ZNF622: variants seen among roughly 807,000 people sequenced by gnomAD.
ZNF622 encodes the protein cytoplasmic 60S subunit biogenesis factor ZNF622.
ZNF622 carries 34 observed loss-of-function variants against 49.7 expected under a neutral mutation model. That is an observed-to-expected ratio of 0.68 (90% CI 0.52 to 0.91). The LOEUF (loss-of-function observed/expected upper bound fraction) is 0.91, where lower values mean the gene tolerates loss of function less well. Among genes scored for constraint, ZNF622 ranks in the 40% least tolerant of loss-of-function variants. The pLI, the probability that ZNF622 is intolerant of heterozygous loss-of-function variation, is 0.00. For missense variants in ZNF622, 569 were observed against 616.4 expected, an observed-to-expected ratio of 0.92 and a Z score of 0.81; for synonymous variants, 209 against 228.7, an observed-to-expected ratio of 0.91 and a Z score of 0.78.
At chr5:16,457,201 T>C (rs781284219) in intron 4 of ZNF622, among the ~76,000 whole-genome samples, 28 of 152,218 alleles carry the variant, frequency 1.8e-4, no homozygotes, top group Non-Finnish European at 3.2e-4. Flanking sequence ...AGATGCAAAA[T>C]GAAGCAAACA....
chr5:16,462,113 C>A (rs141780009), intron 3 of ZNF622, among the ~76,000 whole-genome samples: 5 of 152,228 alleles, frequency 3.3e-5, no homozygotes, highest in African/African-American at 1.2e-4. Flanking sequence ...CTCTAATCCT[C>A]CCCTCTACCT....
chr5:16,461,723 T>G (rs891266890), intron 3 of ZNF622, among the ~76,000 whole-genome samples: 2 of 152,174 alleles, frequency 1.3e-5, no homozygotes, highest in Non-Finnish European at 2.9e-5. Context: ...TTTGGACAGG[T>G]TAAGTTAATG....
intron 4 of ZNF622, among the ~76,000 whole-genome samples, chr5:16,453,828 G>A (rs964209843): frequency 6.6e-6 from 1 of 151,928 alleles, no homozygotes; most frequent in African/African-American, 2.4e-5. Context: ...GGCCAGAGAT[G>A]CTATTAAACA....
intron 3 of ZNF622, among the ~76,000 whole-genome samples, chr5:16,460,780 C>G (rs1738109035): frequency 6.6e-6 from 1 of 152,068 alleles, no homozygotes. Context: ...TTTCTCATTT[C>G]TAGGCACCAA....
chr5:16,451,879 G>C, intron 5 of ZNF622, 95 bp from the exon 6 acceptor site: 1 of 1,453,622 alleles, frequency 6.9e-7, no homozygotes, highest in South Asian at 1.3e-5. Context: ...AGGTTAGTTT[G>C]GGGTAACTAG....
chr5:16,455,230 A>G (rs981549961), intron 4 of ZNF622, among the ~76,000 whole-genome samples: 2 of 152,240 alleles, frequency 1.3e-5, no homozygotes, highest in Non-Finnish European at 2.9e-5. Context: ...TTTCTTTCAG[A>G]ATCTTTTGTG....
In ZNF622 at chr5:16,453,090, A is replaced by C. The variant is rs541568452; in HGVS notation, c.1229T>G (p.Val410Gly). The C allele has an allele frequency of 1.3e-6, 2 of 1,587,386 alleles. No homozygotes were observed. Among genetic ancestry groups the C allele is most frequent in the South Asian group, 2.3e-5 (2 of 88,168 alleles). Residue 410 changes from valine (V) to glycine (G), a missense_variant, in exon 5 of 6, where the codon GTG becomes GGG. Coordinates refer to ENST00000308683, the MANE Select transcript of ZNF622 (RefSeq NM_033414.3). ...YKQRFGLSRA[V>G]AVAKNRKAVG... Reference sequence around the variant, plus strand: ...GGCCTTCCGATTTTTGGCAACTGCCACAGCTCTTGACAAGCCAAATCGCTG... The same window carrying C: ...GGCCTTCCGATTTTTGGCAACTGCCCCAGCTCTTGACAAGCCAAATCGCTG...
At position 16,456,764 on chromosome 5, in the gene ZNF622, G is replaced by A. The variant is rs573665240; in HGVS notation, c.1162+1753C>T. Among the ~76,000 whole-genome samples, 7 of 152,210 alleles carry A rather than the reference G, an allele frequency of 4.6e-5. No individual in the cohort carries two copies. In the South Asian group the frequency reaches 1.5e-3, roughly 32 times the overall value. On this transcript the variant is annotated intron_variant, in intron 4 of 5. Transcript: ENST00000308683. ...TGGCTCCCAGTGGAGGAACTACAGAGGGTAAAGAAAATCTACTGGTGTTTT... is the reference window on the plus strand; with the variant it reads ...TGGCTCCCAGTGGAGGAACTACAGAAGGTAAAGAAAATCTACTGGTGTTTT...
intron 4 of ZNF622, among the ~76,000 whole-genome samples, chr5:16,456,041 C>A (rs1032867045): frequency 5.9e-5 from 9 of 152,216 alleles, no homozygotes; most frequent in African/African-American, 1.7e-4. Flanking sequence ...AGCATGCGAC[C>A]TGTCCATCTA....
At chr5:16,453,282 G>C in intron 4 of ZNF622, 126 bp from the exon 5 acceptor site, 1 of 983,600 alleles carries the variant, frequency 1.0e-6, no homozygotes, top group Non-Finnish European at 1.4e-6. Context: ...TGTACCAGAA[G>C]AAACAGTTGT....
intron 1 of ZNF622, 49 bp downstream of exon 1, chr5:16,464,991 AG>A (rs1429400296): frequency 1.3e-6 from 2 of 1,523,972 alleles, no homozygotes; most frequent in Non-Finnish European, 1.8e-6. Context: ...TGGAAACTTA[AG>A]GGTGGGCCAA....
chr5:16,451,894 T>C, intron 5 of ZNF622, 110 bp from the exon 6 acceptor site: 1 of 1,388,502 alleles, frequency 7.2e-7, no homozygotes, highest in Admixed American at 2.3e-5. Context: ...AACTAGGTTC[T>C]TGTATTTAAA....
rs1738198964 is a variant in ZNF622, at chr5:16,465,316, C to A, written c.350G>T (p.Gly117Val). Residue 117 changes from glycine (G) to valine (V), a missense_variant, in exon 1 of 6, where the codon GGA (glycine) becomes GTA (valine). Gly to Val is a moderately radical substitution (Grantham distance 109). Transcript: ENST00000308683. The surrounding 1 kb of genome is among the most constrained non-coding windows in gnomAD (Gnocchi z 6.2). The part of the protein sequence containing the change: ...EMMNEKNLEK[G>V]LGVDSVDKDA... ...CTTGTCCACACTGTCCACGCCCAGTCCTTTCTCCAAGTTCTTTTCATTCAT... is the reference window on the plus strand; with the variant it reads ...CTTGTCCACACTGTCCACGCCCAGTACTTTCTCCAAGTTCTTTTCATTCAT... 2 of 1,614,150 alleles carry A rather than the reference C, an allele frequency of 1.2e-6. No individual in the cohort carries two copies. Among genetic ancestry groups the A allele is most frequent in the Non-Finnish European group, 1.7e-6 (2 of 1,180,050 alleles).
rs1738154210 is a variant in ZNF622, at chr5:16,463,399, A to C, written c.886+83T>G. ...AGCAATTATATCAAAGATTGATGAA[A>C]AATGCAAAACTAATGTTCCCTTGAG... is the stretch of plus-strand genomic sequence containing the variant. On this transcript the variant is annotated intron_variant, in intron 2 of 5. Coordinates refer to ENST00000308683, the MANE Select transcript of ZNF622 (RefSeq NM_033414.3). The surrounding 1 kb of genome is among the most constrained non-coding windows in gnomAD (Gnocchi z 4.2). 3 of 1,513,338 alleles carry C rather than the reference A, an allele frequency of 2.0e-6. No individual in the cohort carries two copies. The highest frequency in any genetic ancestry group is 2.7e-6 in the Non-Finnish European group (3 of 1,123,974). 93.7% of individuals were successfully genotyped at this position (1,513,338 alleles called of 1,614,324 possible).
chr5:16,453,010 T>A lies in ZNF622; in HGVS notation c.1306+3A>T. 1 of 1,459,038 alleles carries A rather than the reference T, an allele frequency of 6.9e-7. No individual in the cohort carries two copies. The highest frequency in any genetic ancestry group is 9.1e-7 in the Non-Finnish European group (1 of 1,094,784). The allele number at this position is 1,459,038 out of a possible 1,614,324, so 90.4% of individuals were successfully genotyped here. A position where few individuals can be genotyped will look rare whatever the true frequency, so the allele number is the denominator to read the frequency against. ...TGGTCTGTAGTTGTAAAGATCAATG[T>A]ACCTGTGCTGCCAGTCCATCCCAGG... On this transcript the variant is annotated splice_donor_region_variant and intron_variant, in intron 5 of 5. Transcript: ENST00000308683.
chr5:16,461,518 G>A (rs1644643055), intron 3 of ZNF622, among the ~76,000 whole-genome samples: 1 of 152,240 alleles, frequency 6.6e-6, no homozygotes, highest in Non-Finnish European at 1.5e-5. Flanking sequence ...CATAGAAGTA[G>A]TGAGAAGCAG....
rs992275368 is a variant in ZNF622 at position 16,454,483 on chromosome 5, G to A, written c.1163-1327C>T. 2.8e-4 allele frequency among the ~76,000 whole-genome samples: 20 copies of A among 71,324 alleles called. No homozygotes were observed. The South Asian group carries it at 5.9e-3, about 21-fold the overall frequency. 46.8% of individuals were successfully genotyped at this position (71,324 alleles called of 152,430 possible). A position where few individuals can be genotyped will look rare whatever the true frequency, so the allele number is the denominator to read the frequency against. On this transcript the variant is annotated intron_variant, in intron 4 of 5. Transcript: ENST00000308683. ...AGCCTGGGCAACACAGCAAGACTCCGTCTCCAAAAAAAAAAAAAAAAAAAA... is the reference window on the plus strand; with the variant it reads ...AGCCTGGGCAACACAGCAAGACTCCATCTCCAAAAAAAAAAAAAAAAAAAA...
At position 16,463,863 on chromosome 5, in the gene ZNF622, A is replaced by C. The variant is rs1187720327; in HGVS notation, c.626-121T>G. On this transcript the variant is annotated intron_variant, in intron 1 of 5. Coordinates refer to ENST00000308683, the MANE Select transcript of ZNF622 (RefSeq NM_033414.3). The surrounding 1 kb of genome is among the most constrained non-coding windows in gnomAD (Gnocchi z 4.2). ...AGAAACAGCCACACCCCAACTCCCA[A>C]GGACAACTCCTCTTTCAAGATCTCA... The C allele has an allele frequency of 8.8e-6, 9 of 1,017,266 alleles. No homozygotes were observed. The African/African-American group carries it at 1.3e-4, about 14-fold the overall frequency. 63.0% of individuals were successfully genotyped at this position (1,017,266 alleles called of 1,614,324 possible). A position where few individuals can be genotyped will look rare whatever the true frequency, so the allele number is the denominator to read the frequency against.
chr5:16,455,953 C>T (rs1738017991), intron 4 of ZNF622, among the ~76,000 whole-genome samples: 1 of 152,144 alleles, frequency 6.6e-6, no homozygotes, highest in African/African-American at 2.4e-5. Flanking sequence ...TGAAGGCCCT[C>T]ATCAAGGAAA....
Sources: gnomAD v4.1 joint callset for allele counts (sites outside exome capture counted in the v4.1 genomes callset) on GRCh38, gnomAD v4.1.1 for gene constraint, Gnocchi (gnomAD v3.1) non-coding constraint, MANE v1.5 for transcripts, NCBI Gene and HGNC (gene_info 2026-07-23, HGNC 2026-07-21) for gene names.